The following GDI2 variants were observed in gnomAD, a reference collection of about 807,000 sequenced individuals.
GDI2 encodes the protein rab GDP dissociation inhibitor beta.
In GDI2, 22 loss-of-function variants were observed where a neutral mutation model predicts 54.2. The observed-to-expected ratio is 0.41, with a 90% CI of 0.29 to 0.58. The LOEUF (loss-of-function observed/expected upper bound fraction) is 0.58. Among genes scored for constraint, GDI2 ranks in the 20% least tolerant of loss-of-function variants. GDI2 has a pLI of 0.35. For missense variants in GDI2, 422 were observed against 546.0 expected, an observed-to-expected ratio of 0.77 and a Z score of 2.26; for synonymous variants, 177 against 182.1, an observed-to-expected ratio of 0.97 and a Z score of 0.23.
At chr10:5,785,347 G>T (rs1228719915) in intron 5 of GDI2, 74 bp from the exon 6 acceptor site, 4 of 1,115,050 alleles carry the variant, frequency 3.6e-6, no homozygotes, top group African/African-American at 1.6e-5. Context: ...AATTTTTTTT[G>T]AAGCGATTTC....
At chr10:5,794,221 ATATATATATAT>A (rs1315494327) in intron 4 of GDI2, among the ~76,000 whole-genome samples, 6 of 129,676 alleles carry the variant, frequency 4.6e-5, no homozygotes, top group Non-Finnish European at 6.5e-5. Context: ...ATATATATAT[ATATATATATAT>A]AAAACTCACC....
In GDI2 at chr10:5,765,978, C is replaced by A. The variant is rs191021542; in HGVS notation, c.*28G>T. 1.6e-4 allele frequency: 242 copies of A among 1,535,662 alleles called. 2 individuals are homozygous for A. In the African/African-American group the frequency reaches 3.2e-3, roughly 20 times the overall value. On this transcript the variant is annotated 3_prime_UTR_variant, in exon 11 of 11. Coordinates refer to ENST00000380191, the MANE Select transcript of GDI2 (RefSeq NM_001494.4). The stretch of plus-strand genomic sequence containing the variant: ...ATTATTTGCCAAATTTTAAATGTGT[C>A]CTAATTACATAATAACATGTACTGC...
chr10:5,778,255 T>C (rs1038888183), intron 6 of GDI2, among the ~76,000 whole-genome samples: 1 of 152,204 alleles, frequency 6.6e-6, no homozygotes, highest in Non-Finnish European at 1.5e-5. Context: ...GTTCTGCACA[T>C]GTACCCCAGA....
At position 5,813,269 on chromosome 10, in the gene GDI2, G is replaced by A. The variant is rs1841515047; in HGVS notation, c.-11C>T. 1 of 1,570,632 alleles carries A rather than the reference G, an allele frequency of 6.4e-7. No individual in the cohort carries two copies. Reference sequence around the variant, plus strand: ...GTACTCCTCATTCATGGCGGGGCAGGCGCGGACGCAGGACCCGAGCAAGGA... The same window carrying A: ...GTACTCCTCATTCATGGCGGGGCAGACGCGGACGCAGGACCCGAGCAAGGA... On this transcript the variant is annotated 5_prime_UTR_variant, in exon 1 of 11. Coordinates refer to ENST00000380191, the MANE Select transcript of GDI2 (RefSeq NM_001494.4).
chr10:5,776,273 C>A lies in GDI2; in HGVS notation c.720-2332G>T. ...CATCCAAGACAGGTGGAAAAGGGCC[C>A]AGCGTGAAAAGACTGAAAGCCCAGC... On this transcript the variant is annotated intron_variant, in intron 6 of 10. Coordinates refer to ENST00000380191, the MANE Select transcript of GDI2 (RefSeq NM_001494.4). This position sits in a 1 kb window ranked among gnomAD's most constrained non-coding sequence, Gnocchi z 5.3. 1.9e-6 allele frequency: 1 copy of A among 518,500 alleles called. No homozygotes were observed. The highest frequency in any genetic ancestry group is 2.1e-5 in the South Asian group (1 of 46,674). 32.1% of individuals were successfully genotyped at this position (518,500 alleles called of 1,614,324 possible).
chr10:5,811,177 T>C (rs959323916), intron 1 of GDI2, among the ~76,000 whole-genome samples: 2 of 152,254 alleles, frequency 1.3e-5, no homozygotes, highest in African/African-American at 4.8e-5. Flanking sequence ...CTGTCATCAC[T>C]ACTCCTATCA....
chr10:5,782,922 G>A (rs996600605), intron 6 of GDI2, among the ~76,000 whole-genome samples: 21 of 152,100 alleles, frequency 1.4e-4, no homozygotes, highest in Non-Finnish European at 2.9e-4. Context: ...AACAAGAGTG[G>A]AACTCCATCT....
chr10:5,805,855 C>A (rs1164413697), intron 1 of GDI2, among the ~76,000 whole-genome samples: 2 of 152,188 alleles, frequency 1.3e-5, no homozygotes, highest in Non-Finnish European at 2.9e-5. Context: ...CTGGTAAATT[C>A]TCAGGTGTTG....
At chr10:5,786,236 T>C (rs534202676) in intron 4 of GDI2, among the ~76,000 whole-genome samples, 186 bp from the exon 5 acceptor site, 1 of 129,010 alleles carries the variant, frequency 7.8e-6, no homozygotes, top group East Asian at 2.5e-4. Flanking sequence ...AATGACGCAA[T>C]CTCAGCTCAC....
chr10:5,775,347 A>G (rs1840595396), intron 6 of GDI2, among the ~76,000 whole-genome samples: 2 of 152,198 alleles, frequency 1.3e-5, no homozygotes, highest in South Asian at 2.1e-4. Context: ...TTAAAGCAGC[A>G]AAAACCAGAG....
At position 5,766,697 on chromosome 10, in the gene GDI2, CTCAGGTATCACCCATATG is replaced by C. The variant is rs1183047481; in HGVS notation, c.992-77_992-60del. 1 of 1,383,788 alleles carries C rather than the reference CTCAGGTATCACCCATATG, an allele frequency of 7.2e-7. No homozygotes were observed. Among genetic ancestry groups the C allele is most frequent in the East Asian group, 2.3e-5 (1 of 43,808 alleles). The allele number at this position is 1,383,788 out of a possible 1,614,324, so 85.7% of individuals were successfully genotyped here. On this transcript the variant is annotated intron_variant, in intron 8 of 10. Coordinates refer to ENST00000380191, the MANE Select transcript of GDI2 (RefSeq NM_001494.4). The surrounding 1 kb of genome is among the most constrained non-coding windows in gnomAD (Gnocchi z 5.8). ...GTGTCTCCATCTGGGACCCAACATA[CTCAGGTATCACCCATATG>C]TCATGAGGTGTGAGTTAAAATTACT...
At chr10:5,806,382 C>T (rs1431184877) in intron 1 of GDI2, among the ~76,000 whole-genome samples, 2 of 151,670 alleles carry the variant, frequency 1.3e-5, no homozygotes, top group African/African-American at 4.8e-5. Flanking sequence ...ACAGTGAGAC[C>T]CCCATCTCTA....
intron 4 of GDI2, among the ~76,000 whole-genome samples, chr10:5,793,086 C>G (rs1480800350): frequency 6.6e-6 from 1 of 152,074 alleles, no homozygotes; most frequent in African/African-American, 2.4e-5. Context: ...CTTTGATTTC[C>G]TGGACTCAAG....
At chr10:5,806,029 G>GT (rs1313154012) in intron 1 of GDI2, among the ~76,000 whole-genome samples, 1 of 152,186 alleles carries the variant, frequency 6.6e-6, no homozygotes, top group African/African-American at 2.4e-5. Flanking sequence ...ATTCTCGCAT[G>GT]TGTCTTCTAA....
chr10:5,778,281 T>TA (rs997463249), intron 6 of GDI2, among the ~76,000 whole-genome samples: 3 of 151,828 alleles, frequency 2.0e-5, no homozygotes, highest in Admixed American at 6.6e-5. Context: ...AAGTATAATT[T>TA]AAAAAAAAGT....
chr10:5,778,124 G>A (rs529682696), intron 6 of GDI2, among the ~76,000 whole-genome samples: 14 of 152,208 alleles, frequency 9.2e-5, no homozygotes, highest in East Asian at 1.9e-4. Flanking sequence ...ATCACACACC[G>A]GGGCCTGTCA....
At chr10:5,775,283 G>A (rs760450399) in intron 6 of GDI2, among the ~76,000 whole-genome samples, 11 of 152,140 alleles carry the variant, frequency 7.2e-5, no homozygotes, top group Non-Finnish European at 1.2e-4. Context: ...GCAAAATGCT[G>A]TCTCAAAAAA....
intron 1 of GDI2, among the ~76,000 whole-genome samples, chr10:5,802,083 T>C (rs1841283043): frequency 6.6e-6 from 1 of 152,048 alleles, no homozygotes; most frequent in Non-Finnish European, 1.5e-5. Context: ...TGTGAAAAAA[T>C]GGGAAGAATA....
At chr10:5,792,436 T>C (rs1321449125) in intron 4 of GDI2, among the ~76,000 whole-genome samples, 1 of 152,184 alleles carries the variant, frequency 6.6e-6, no homozygotes, top group Non-Finnish European at 1.5e-5. Context: ...AACTGGTACT[T>C]ATCCACCCAT....
Sources: gnomAD v4.1 joint callset for allele counts (sites outside exome capture counted in the v4.1 genomes callset) on GRCh38, gnomAD v4.1.1 for gene constraint, Gnocchi (gnomAD v3.1) non-coding constraint, MANE v1.5 for transcripts, NCBI Gene and HGNC (gene_info 2026-07-23, HGNC 2026-07-21) for gene names.